FAM228B: variants seen among roughly 807,000 people sequenced by gnomAD.
FAM228B encodes protein FAM228B.
A neutral mutation model predicts 42.6 loss-of-function variants in FAM228B; 38 were observed. That is an observed-to-expected ratio of 0.89 (90% CI 0.69 to 1.17). The LOEUF (loss-of-function observed/expected upper bound fraction) is 1.17, where lower values mean the gene tolerates loss of function less well. FAM228B is among the 50% of genes most tolerant of loss of function. The pLI is 0.00. For missense variants in FAM228B, 344 were observed against 367.3 expected (o/e 0.94, Z 0.52); for synonymous variants, 109 against 122.3 (o/e 0.89, Z 0.72).
intron 3 of FAM228B, among the ~76,000 whole-genome samples, chr2:24,117,503 C>A (rs35059499): frequency 1.3e-5 from 2 of 150,868 alleles, no homozygotes; most frequent in African/African-American, 2.4e-5. Context: ...AGTGCAATGG[C>A]GCTATTTTGG....
chr2:24,084,339 C>T lies in FAM228B; in HGVS notation c.-210+3384C>T, dbSNP rs769183724. ...GCACGGCTAACATATTGTCTGAGGACACAGGGCAGGGCAGGGCAGGACAGG... is the reference window on the plus strand; with the variant it reads ...GCACGGCTAACATATTGTCTGAGGATACAGGGCAGGGCAGGGCAGGACAGG... On this transcript the variant is annotated intron_variant, in intron 2 of 10. Transcript: ENST00000613899. This position sits in a 1 kb window ranked among gnomAD's most constrained non-coding sequence, Gnocchi z 8.4. The T allele has an allele frequency of 3.7e-6, 6 of 1,603,892 alleles. No individual in the cohort carries two copies. The highest frequency in any genetic ancestry group is 1.3e-5 in the African/African-American group (1 of 74,604).
At chr2:24,100,499 G>T (rs1431006931) in intron 3 of FAM228B, among the ~76,000 whole-genome samples, 2 of 149,034 alleles carry the variant, frequency 1.3e-5, no homozygotes, top group Admixed American at 1.3e-4. Context: ...GCAGCCAACA[G>T]ACACATGAAA....
intron 2 of FAM228B, among the ~76,000 whole-genome samples, chr2:24,129,953 C>A (rs966349838): frequency 2.3e-5 from 3 of 131,784 alleles, no homozygotes; most frequent in African/African-American, 8.0e-5. Flanking sequence ...TCCTAATGCT[C>A]ACCTCCCCTC....
At chr2:24,146,535 CTT>C (rs981318715) in intron 5 of FAM228B, among the ~76,000 whole-genome samples, 20 of 152,278 alleles carry the variant, frequency 1.3e-4, no homozygotes, top group African/African-American at 4.8e-4. Flanking sequence ...AACTTTGTCT[CTT>C]TGACTGGAGG....
At position 24,115,823 on chromosome 2, in the gene FAM228B, C is replaced by T. The variant is rs533186835; in HGVS notation, c.-120-19296C>T. Among the ~76,000 whole-genome samples the T allele has an allele frequency of 4.0e-4, 60 of 148,880 alleles. 1 individual carries two copies. Among genetic ancestry groups the T allele is most frequent in the Admixed American group, 6.8e-4 (10 of 14,766 alleles). On this transcript the variant is annotated intron_variant, in intron 3 of 10. Transcript: ENST00000613899. ...CTGTCTAGTAGGGGATATAGGCACA[C>T]ACAAACATCAATTCTATTTCATGGT...
upstream of FAM228B, among the ~76,000 whole-genome samples, chr2:24,120,077 T>C (rs984110718): frequency 1.3e-5 from 2 of 152,142 alleles, no homozygotes; most frequent in Non-Finnish European, 2.9e-5. Flanking sequence ...GAGACCAGCC[T>C]GGCCAACATG....
intron 3 of FAM228B, among the ~76,000 whole-genome samples, chr2:24,117,432 GTTC>G (rs542195426): frequency 6.4e-4 from 96 of 150,930 alleles, no homozygotes; most frequent in African/African-American, 1.3e-3. Flanking sequence ...AATGGTCATA[GTTC>G]TTCTTCTTCT....
intron 2 of FAM228B, among the ~76,000 whole-genome samples, chr2:24,134,093 T>C (rs1666521991): frequency 6.6e-6 from 1 of 152,228 alleles, no homozygotes. Flanking sequence ...TTTATTTTAA[T>C]AAGAGCTTTC....
At chr2:24,154,732 T>A (rs1177081419) in intron 7 of FAM228B, among the ~76,000 whole-genome samples, 1 of 152,216 alleles carries the variant, frequency 6.6e-6, no homozygotes, top group Non-Finnish European at 1.5e-5. Flanking sequence ...GGAATTCAGT[T>A]TACTTCTTTG....
Position 24,139,003 on chromosome 2 carries a change from A to G in FAM228B, c.361-367A>G, listed in dbSNP as rs901094574. Among the ~76,000 whole-genome samples, 8 of 152,190 alleles carry G rather than the reference A, an allele frequency of 5.3e-5. No individual in the cohort carries two copies. The East Asian group carries it at 1.5e-3, about 29-fold the overall frequency. ...ATAATTTGGACTCTAGTTTCAGGAC[A>G]TATTTTTCTTTTGTTCTGGAACTTG... On this transcript the variant is annotated intron_variant, in intron 4 of 10. Coordinates refer to ENST00000615575, the MANE Select transcript of FAM228B (RefSeq NM_001145710.2).
At chr2:24,101,403 T>A (rs1665601807) in intron 3 of FAM228B, among the ~76,000 whole-genome samples, 1 of 152,214 alleles carries the variant, frequency 6.6e-6, no homozygotes, top group South Asian at 2.1e-4. Flanking sequence ...TAAATTGACA[T>A]TAATTTAAAA....
intron 8 of FAM228B, among the ~76,000 whole-genome samples, chr2:24,163,483 A>T (rs754522792): frequency 6.6e-6 from 1 of 152,196 alleles, no homozygotes. Flanking sequence ...ACTAAGCCCT[A>T]TTCCCTTGGT....
chr2:24,119,730 G>T, upstream of FAM228B: 1 of 1,422,456 alleles, frequency 7.0e-7, no homozygotes, highest in Non-Finnish European at 9.8e-7. Flanking sequence ...TCTAATCACA[G>T]GACCAGTGGT....
chr2:24,097,188 C>A (rs1294867789), intron 3 of FAM228B: 1 of 152,226 alleles, frequency 6.6e-6, no homozygotes, highest in Non-Finnish European at 1.5e-5. Context: ...ATTGTAAAGA[C>A]CATCGATGCT....
chr2:24,093,919 A>G (rs957062318), intron 2 of FAM228B, among the ~76,000 whole-genome samples: 1 of 150,866 alleles, frequency 6.6e-6, no homozygotes, highest in South Asian at 2.1e-4. Context: ...TCCTGGCTGC[A>G]TGTGTCTTTG....
intron 7 of FAM228B, among the ~76,000 whole-genome samples, chr2:24,155,407 G>A (rs1325259220): frequency 3.3e-5 from 5 of 150,368 alleles, no homozygotes; most frequent in Admixed American, 1.3e-4. Flanking sequence ...GGGGGCTGGC[G>A]TGTTTGCGGG....
chr2:24,135,965 T>C (rs1369153185), intron 3 of FAM228B, among the ~76,000 whole-genome samples: 1 of 150,408 alleles, frequency 6.6e-6, no homozygotes, highest in Non-Finnish European at 1.5e-5. Flanking sequence ...GAAGGTCAGT[T>C]ATAGTGAAGG....
intron 2 of FAM228B, among the ~76,000 whole-genome samples, chr2:24,082,577 T>C (rs1433517231): frequency 1.3e-5 from 2 of 152,224 alleles, no homozygotes; most frequent in Non-Finnish European, 2.9e-5. Flanking sequence ...AATGAGTCAA[T>C]TGGTCCCTTC....
At chr2:24,161,299 T>A (rs1285979771) in intron 7 of FAM228B, among the ~76,000 whole-genome samples, 10 of 151,654 alleles carry the variant, frequency 6.6e-5, no homozygotes, top group Admixed American at 4.6e-4. Flanking sequence ...TAAAAATAAA[T>A]CCCTTGGCAT....
Sources: allele counts gnomAD v4.1 joint callset (sites outside exome capture counted in the v4.1 genomes callset), GRCh38; gene constraint gnomAD v4.1.1; non-coding constraint Gnocchi (gnomAD v3.1); transcripts MANE v1.5; gene names NCBI Gene and HGNC (gene_info 2026-07-23, HGNC 2026-07-21).